The following ZNF497 variants were observed in gnomAD, a reference collection of about 807,000 sequenced individuals.
ZNF497 encodes zinc finger-like protein.
For synonymous variants in ZNF497, 422 were observed against 313.7 expected (o/e 1.35, Z -3.65); for missense variants, 930 against 714.0 (o/e 1.30, Z -3.45).
rs941872679 is a variant in ZNF497 at position 58,355,817 on chromosome 19, CAAAG to C, written c.*318_*321del. The C allele has an allele frequency of 7.9e-5, 23 of 289,314 alleles. No homozygotes were observed. The highest frequency in any genetic ancestry group is 1.3e-4 in the Non-Finnish European group (20 of 156,408). The allele number at this position is 289,314 out of a possible 1,614,324, so 17.9% of individuals were successfully genotyped here. ...CTGCTTTTGACAGTGCCAGAGAACT[CAAAG>C]AAATAGCCACACCTGTCGGAGACCC... On this transcript the variant is annotated 3_prime_UTR_variant, in exon 3 of 3. Transcript: ENST00000311044.
At position 58,357,493 on chromosome 19, in the gene ZNF497, G is replaced by A. The variant is rs527968162; in HGVS notation, c.143C>T (p.Pro48Leu). ...WGAWENSTEVPREAGDGQRQQ... is the reference protein window; with the variant it reads ...WGAWENSTEVLREAGDGQRQQ... The stretch of plus-strand genomic sequence containing the variant: ...CCGCTGGCCGTCCCCTGCCTCCCTC[G>A]GAACCTCCGTGGAGTTTTCCCAGGC... Residue 48 changes from proline (P) to leucine (L), a missense_variant, in exon 3 of 3, where the codon CCG becomes CTG. Physicochemically the swap from Pro to Leu is moderately conservative, Grantham distance 98. Coordinates refer to ENST00000311044, the MANE Select transcript of ZNF497 (RefSeq NM_198458.3). 76 of 1,600,820 alleles carry A rather than the reference G, an allele frequency of 4.7e-5. No homozygotes were observed. The African/African-American group carries it at 8.7e-4, about 18-fold the overall frequency.
At position 58,358,931 on chromosome 19, in the gene ZNF497, T is replaced by C. The variant is rs551339670; in HGVS notation, c.-111-346A>G. On this transcript the variant is annotated intron_variant, in intron 1 of 2. Transcript: ENST00000311044. ...GAGTCCTGGCCCAGCTGACTCCTGC[T>C]GTAGCCGCTCTGCCAGGGCAGTGGC... The C allele has an allele frequency of 8.8e-6, 4 of 456,332 alleles. No individual in the cohort carries two copies. In the East Asian group the frequency reaches 2.8e-4, roughly 32 times the overall value. The allele number at this position is 456,332 out of a possible 1,614,324, so 28.3% of individuals were successfully genotyped here. A position where few individuals can be genotyped will look rare whatever the true frequency, so the allele number is the denominator to read the frequency against.
intron 1 of ZNF497, chr19:58,359,096 A>G (rs1212654438): frequency 4.3e-6 from 4 of 927,686 alleles, no homozygotes; most frequent in Non-Finnish European, 6.1e-6. Context: ...CTGGCAACAC[A>G]GCTCACGCAG....
intron 1 of ZNF497, among the ~76,000 whole-genome samples, chr19:58,360,018 A>C (rs1457242036): frequency 6.6e-6 from 1 of 152,182 alleles, no homozygotes; most frequent in Non-Finnish European, 1.5e-5. Flanking sequence ...TACAAGATGG[A>C]TGAATCTTGA....
In ZNF497 at chr19:58,356,784, C is replaced by T; in HGVS notation, c.852G>A (p.Val284=). The T allele has an allele frequency of 1.3e-6, 2 of 1,565,436 alleles. No homozygotes were observed. Among genetic ancestry groups the T allele is most frequent in the South Asian group, 1.1e-5 (1 of 87,652 alleles). ...HACPDCGKAF[V]RVAGLRQHRR... ...GGTGCTGCCGCAGCCCCGCCACACG[C>T]ACGAAGGCCTTGCCGCAGTCGGGAC... The change falls in exon 3 of 3, where the codon GTG becomes GTA. Residue 284 remains valine, a synonymous_variant. Coordinates refer to ENST00000311044, the MANE Select transcript of ZNF497 (RefSeq NM_198458.3).
In ZNF497 at chr19:58,357,190, A is replaced by G. The variant is rs1279348710; in HGVS notation, c.446T>C (p.Leu149Pro). 4 of 1,612,746 alleles carry G rather than the reference A, an allele frequency of 2.5e-6. No individual in the cohort carries two copies. The highest frequency in any genetic ancestry group is 2.7e-5 in the African/African-American group (2 of 74,708). The change falls in exon 3 of 3, where the codon CTC (leucine) becomes CCC (proline). Residue 149 changes from leucine to proline, a missense_variant. Transcript: ENST00000311044. The stretch of plus-strand genomic sequence containing the variant: ...GCTGTGGATGCGCTGGTGCTGGCTG[A>G]GGTTGGAGCTCCAGGCGAAGGCCTT... Reference protein sequence around the residue: ...CGKAFAWSSNLSQHQRIHSGE... With the variant: ...CGKAFAWSSNPSQHQRIHSGE...
chr19:58,354,716 G>C lies in ZNF497; in HGVS notation c.*1423C>G, dbSNP rs1451290693. On this transcript the variant is annotated 3_prime_UTR_variant, in exon 3 of 3. Transcript: ENST00000311044. ...GGATGGAGGCTGTGTGTTCTGGGTG[G>C]ACTGGGGGAGAATGCATTCTTTGCA... 3 of 152,612 alleles carry C rather than the reference G, an allele frequency of 2.0e-5. No individual in the cohort carries two copies. The highest frequency in any genetic ancestry group is 4.4e-5 in the Non-Finnish European group (3 of 68,356). 9.5% of individuals were successfully genotyped at this position (152,612 alleles called of 1,614,324 possible).
At position 58,357,296 on chromosome 19, in the gene ZNF497, C is replaced by G. The variant is rs759589580; in HGVS notation, c.340G>C (p.Ala114Pro). Residue 114 changes from alanine to proline, a missense_variant, in exon 3 of 3, where the codon GCG (alanine) becomes CCG (proline). Physicochemically the swap from Ala to Pro is conservative, Grantham distance 27. Transcript: ENST00000311044. Reference protein sequence around the residue: ...PGCRCGECGKAFSQGSYLLQH... With the variant: ...PGCRCGECGKPFSQGSYLLQH... ...AGCAAGTAAGAGCCCTGGCTGAACG[C>G]CTTGCCGCACTCCCCGCACCGGCAG... The G allele has an allele frequency of 5.0e-6, 8 of 1,611,040 alleles. No individual in the cohort carries two copies. The highest frequency in any genetic ancestry group is 6.8e-6 in the Non-Finnish European group (8 of 1,179,058).
intron 2 of ZNF497, chr19:58,357,979 C>G (rs1218935258): frequency 7.0e-6 from 9 of 1,282,638 alleles, no homozygotes; most frequent in South Asian, 1.6e-5. Flanking sequence ...TGGCACCACT[C>G]TCCTCTCCTT....
At position 58,362,715 on chromosome 19, in the gene ZNF497, G is replaced by C. The variant is rs2052107964; in HGVS notation, c.-150C>G. On this transcript the variant is annotated 5_prime_UTR_variant, in exon 1 of 3. Coordinates refer to ENST00000311044, the MANE Select transcript of ZNF497 (RefSeq NM_198458.3). ...CCTCTGCGTCCACTAGGAGCGGCCT[G>C]AAAGAGGCCCGCACGCGGGCTCGAG... 1 of 152,132 alleles carries C rather than the reference G, an allele frequency of 6.6e-6. No homozygotes were observed. The highest frequency in any genetic ancestry group is 2.4e-5 in the African/African-American group (1 of 41,428). 9.4% of individuals were successfully genotyped at this position (152,132 alleles called of 1,614,324 possible). A position where few individuals can be genotyped will look rare whatever the true frequency, so the allele number is the denominator to read the frequency against.
In ZNF497 at chr19:58,356,977, C is replaced by T; in HGVS notation, c.659G>A (p.Cys220Tyr). 2 of 1,608,332 alleles carry T rather than the reference C, an allele frequency of 1.2e-6. No homozygotes were observed. Among genetic ancestry groups the T allele is most frequent in the Non-Finnish European group, 8.5e-7 (1 of 1,178,678 alleles). ...RTHTGEKPYE[C>Y]PECGKAFSWN... ...GCTGAAGGCCTTGCCGCACTCCGGG[C>T]ACTCGTAGGGCTTCTCGCCCGTGTG... The change falls in exon 3 of 3, where the codon TGC becomes TAC. Residue 220 changes from cysteine (C) to tyrosine (Y), a missense_variant. Coordinates refer to ENST00000311044, the MANE Select transcript of ZNF497 (RefSeq NM_198458.3).
Position 58,357,453 on chromosome 19 carries a change from C to T in ZNF497, c.183G>A (p.Leu61=), listed in dbSNP as rs562932961. ...AGDGQRQQAT[L]GAADEQGGPG... ...GGCCTCCCTGTTCGTCCGCCGCCCC[C>T]AGTGTGGCTTGCTGCCGCTGGCCGT... Residue 61 remains leucine (L), a synonymous_variant, in exon 3 of 3, where the codon CTG becomes CTA. Coordinates refer to ENST00000311044, the MANE Select transcript of ZNF497 (RefSeq NM_198458.3). 2.6e-5 allele frequency: 42 copies of T among 1,599,496 alleles called. No homozygotes were observed. The Admixed American group carries it at 2.9e-4, about 11-fold the overall frequency.
chr19:58,360,831 G>A (rs1412581154), intron 1 of ZNF497, among the ~76,000 whole-genome samples: 1 of 130,950 alleles, frequency 7.6e-6, no homozygotes, highest in African/African-American at 3.0e-5. Flanking sequence ...GCCCAGGCTG[G>A]AGTCCAGTGG....
rs74482945 is a variant in ZNF497 at position 58,354,696 on chromosome 19, G to A, written c.*1443C>T. The A allele has an allele frequency of 5.1e-3, 772 of 152,656 alleles. 24 individuals are homozygous for A. In the East Asian group the frequency reaches 0.11, roughly 22 times the overall value. 9.5% of individuals were successfully genotyped at this position (152,656 alleles called of 1,614,324 possible). On this transcript the variant is annotated 3_prime_UTR_variant, in exon 3 of 3. Transcript: ENST00000311044. ...CCTGCTCAGAGCCAGTACCTGGATG[G>A]AGGCTGTGTGTTCTGGGTGGACTGG...
intron 1 of ZNF497, among the ~76,000 whole-genome samples, chr19:58,360,412 A>T (rs941992762): frequency 6.6e-6 from 1 of 151,458 alleles, no homozygotes; most frequent in African/African-American, 2.4e-5. Flanking sequence ...TCTGTCATCC[A>T]GGCTAGGGTG....
intron 2 of ZNF497, chr19:58,357,912 G>A (rs1485154392): frequency 7.3e-7 from 1 of 1,367,740 alleles, no homozygotes; most frequent in African/African-American, 1.5e-5. Context: ...GAGGGGAGGG[G>A]GCGCCAGCAT....
rs569225283 is a variant in ZNF497 at position 58,354,546 on chromosome 19, C to CG, written c.*1592dup. ...GCAGAGCGATTGCAGAGCTCATAGA[C>CG]GTGATGAAGACCAGCTGGGCACTGC... On this transcript the variant is annotated 3_prime_UTR_variant, in exon 3 of 3. Transcript: ENST00000311044. 69 of 152,464 alleles carry CG rather than the reference C, an allele frequency of 4.5e-4. No individual in the cohort carries two copies. The highest frequency in any genetic ancestry group is 1.5e-3 in the African/African-American group (64 of 41,564). The allele number at this position is 152,464 out of a possible 1,614,324, so 9.4% of individuals were successfully genotyped here.
chr19:58,358,068 C>T lies in ZNF497; in HGVS notation c.-14-419G>A, dbSNP rs2052048624. On this transcript the variant is annotated intron_variant, in intron 2 of 2. Transcript: ENST00000311044. ...GGAACACGATGGACCCGTCTCCATT[C>T]CTGAAGGCTGGAGGACACCGCCTGA... The T allele has an allele frequency of 2.5e-6, 3 of 1,222,202 alleles. No individual in the cohort carries two copies. The South Asian group carries it at 4.4e-5, about 18-fold the overall frequency. 75.7% of individuals were successfully genotyped at this position (1,222,202 alleles called of 1,614,324 possible). A position where few individuals can be genotyped will look rare whatever the true frequency, so the allele number is the denominator to read the frequency against.
Position 58,356,983 on chromosome 19 carries a change from T to TA in ZNF497, c.652dup (p.Tyr218LeufsTer110). On this transcript the variant is annotated frameshift_variant, in exon 3 of 3. Transcript: ENST00000311044. ...GGCCTTGCCGCACTCCGGGCACTCGTAGGGCTTCTCGCCCGTGTGCGTGCG... is the reference window on the plus strand; with the variant it reads ...GGCCTTGCCGCACTCCGGGCACTCGTAAGGGCTTCTCGCCCGTGTGCGTGCG... 6.3e-7 allele frequency: 1 copy of TA among 1,596,438 alleles called. No homozygotes were observed. Among genetic ancestry groups the TA allele is most frequent in the Non-Finnish European group, 8.5e-7 (1 of 1,174,254 alleles).
Sources: allele counts gnomAD v4.1 joint callset (sites outside exome capture counted in the v4.1 genomes callset), GRCh38; gene constraint gnomAD v4.1.1; transcripts MANE v1.5; gene names NCBI Gene and HGNC (gene_info 2026-07-23, HGNC 2026-07-21).